The following KCNK13 variants were observed in gnomAD, a reference collection of about 807,000 sequenced individuals.
KCNK13 encodes the protein potassium channel subfamily K member 13.
Under a neutral mutation model 23.4 loss-of-function variants are expected in KCNK13, and 12 were observed. The observed-to-expected ratio is 0.51, with a 90% confidence interval of 0.33 to 0.83. The LOEUF (loss-of-function observed/expected upper bound fraction) is 0.83, where lower values mean the gene tolerates loss of function less well. Among genes scored for constraint, KCNK13 ranks in the 40% least tolerant of loss-of-function variants. The pLI is 0.02. For missense variants in KCNK13, 463 were observed against 556.3 expected (o/e 0.83, Z 1.69); for synonymous variants, 231 against 229.5 (o/e 1.01, Z -0.06).
At chr14:90,103,081 C>T (rs771355934) in intron 1 of KCNK13, among the ~76,000 whole-genome samples, 1 of 152,134 alleles carries the variant, frequency 6.6e-6, no homozygotes, top group Non-Finnish European at 1.5e-5. Context: ...ACTGCCAGCT[C>T]CATCCACATT....
chr14:90,074,143 T>C (rs1889108966), intron 1 of KCNK13, among the ~76,000 whole-genome samples: 1 of 151,674 alleles, frequency 6.6e-6, no homozygotes, highest in Non-Finnish European at 1.5e-5. Context: ...CTAATTTTTG[T>C]ATTTTTGATA....
chr14:90,135,086 G>T (rs1490409810), intron 1 of KCNK13, among the ~76,000 whole-genome samples: 3 of 152,182 alleles, frequency 2.0e-5, no homozygotes, highest in Non-Finnish European at 4.4e-5. Context: ...GCAGAGAACT[G>T]GGCCTAGTGG....
chr14:90,099,000 C>T (rs970222487), intron 1 of KCNK13, among the ~76,000 whole-genome samples: 1 of 152,030 alleles, frequency 6.6e-6, no homozygotes, highest in East Asian at 1.9e-4. Flanking sequence ...TTGCTTGAAC[C>T]CAGGAGGCAG....
intron 1 of KCNK13, among the ~76,000 whole-genome samples, chr14:90,133,173 C>T (rs1566957576): frequency 6.6e-6 from 1 of 152,164 alleles, no homozygotes; most frequent in Non-Finnish European, 1.5e-5. Flanking sequence ...TTAAACTTCA[C>T]CAAACAAATC....
rs566390896 is a variant in KCNK13 at position 90,169,207 on chromosome 14, T to C, written c.335-14904T>C. Among the ~76,000 whole-genome samples, 148 of 152,344 alleles carry C rather than the reference T, an allele frequency of 9.7e-4. 6 individuals carry two copies. The South Asian group carries it at 0.03, about 31-fold the overall frequency. On this transcript the variant is annotated intron_variant, in intron 1 of 1. Transcript: ENST00000282146. Reference sequence around the variant, plus strand: ...AGATGTGATCAGATCTTCCATCCTCTCTGAAGCTTGGCAGAAGTTTTTATG... The same window carrying C: ...AGATGTGATCAGATCTTCCATCCTCCCTGAAGCTTGGCAGAAGTTTTTATG...
chr14:90,149,066 A>G (rs933087362), intron 1 of KCNK13, among the ~76,000 whole-genome samples: 1 of 152,156 alleles, frequency 6.6e-6, no homozygotes, highest in African/African-American at 2.4e-5. Context: ...TATAAAGAAA[A>G]AGACGTTTGC....
At chr14:90,138,936 AC>A (rs1176464950) in intron 1 of KCNK13, among the ~76,000 whole-genome samples, 1 of 152,212 alleles carries the variant, frequency 6.6e-6, no homozygotes, top group Non-Finnish European at 1.5e-5. Context: ...AGAAAAAAAC[AC>A]ATCGAGGCAG....
chr14:90,107,452 T>C (rs1289453811), intron 1 of KCNK13, among the ~76,000 whole-genome samples: 2 of 152,212 alleles, frequency 1.3e-5, no homozygotes, highest in Non-Finnish European at 2.9e-5. Flanking sequence ...CCCTTCGGCC[T>C]GGGCGACAGT....
chr14:90,078,471 G>GGGAA (rs200180179), intron 1 of KCNK13, among the ~76,000 whole-genome samples: 1 of 147,470 alleles, frequency 6.8e-6, no homozygotes, highest in African/African-American at 2.5e-5. Flanking sequence ...GAAGGAGGGA[G>GGGAA]GGAAGGAAGG....
chr14:90,161,080 G>A (rs1890248144), intron 1 of KCNK13, among the ~76,000 whole-genome samples: 1 of 152,098 alleles, frequency 6.6e-6, no homozygotes, highest in African/African-American at 2.4e-5. Context: ...TAAACAAAAT[G>A]TGGTCTATAC....
chr14:90,101,216 A>G (rs1367177129), intron 1 of KCNK13, among the ~76,000 whole-genome samples: 1 of 152,138 alleles, frequency 6.6e-6, no homozygotes, highest in Non-Finnish European at 1.5e-5. Flanking sequence ...AGTGAGCACA[A>G]AATACTCACT....
chr14:90,094,967 A>G (rs1033649310), intron 1 of KCNK13, among the ~76,000 whole-genome samples: 2 of 152,184 alleles, frequency 1.3e-5, no homozygotes, highest in African/African-American at 4.8e-5. Flanking sequence ...TTTTCTAAGA[A>G]TTAAAGTTTT....
intron 1 of KCNK13, among the ~76,000 whole-genome samples, chr14:90,065,263 G>A (rs1888994796): frequency 1.3e-5 from 2 of 152,168 alleles, no homozygotes; most frequent in Admixed American, 1.3e-4. Flanking sequence ...CAAAGACTTT[G>A]AGGTAGCAGA....
At position 90,179,920 on chromosome 14, in the gene KCNK13, C is replaced by A. The variant is rs558299605; in HGVS notation, c.335-4191C>A. Among the ~76,000 whole-genome samples the A allele has an allele frequency of 1.3e-5, 2 of 152,278 alleles. 1 individual carries two copies. Among genetic ancestry groups the A allele is most frequent in the East Asian group, 3.9e-4 (2 of 5,174 alleles). ...GTTTTAGCTTGTGATGCCAGCCAAA[C>A]CCTGCCCCCCCTCTCCGGTTTTGGT... is the stretch of plus-strand genomic sequence containing the variant. On this transcript the variant is annotated intron_variant, in intron 1 of 1. Coordinates refer to ENST00000282146, the MANE Select transcript of KCNK13 (RefSeq NM_022054.4).
intron 1 of KCNK13, among the ~76,000 whole-genome samples, chr14:90,159,390 T>G (rs1285537631): frequency 1.3e-5 from 2 of 152,214 alleles, no homozygotes; most frequent in African/African-American, 4.8e-5. Flanking sequence ...GTCCTCTCTT[T>G]CCAGGAGTCT....
At chr14:90,085,749 A>C (rs888553309) in intron 1 of KCNK13, among the ~76,000 whole-genome samples, 6 of 132,546 alleles carry the variant, frequency 4.5e-5, no homozygotes, top group Non-Finnish European at 6.3e-5. Flanking sequence ...TTATATAATT[A>C]TATATTATAT....
chr14:90,067,816 C>T (rs1889026138), intron 1 of KCNK13, among the ~76,000 whole-genome samples: 1 of 152,140 alleles, frequency 6.6e-6, no homozygotes, highest in African/African-American at 2.4e-5. Flanking sequence ...AGGAGCTTGT[C>T]CCCGTGTTTG....
At chr14:90,099,746 C>A (rs562218758) in intron 1 of KCNK13, among the ~76,000 whole-genome samples, 2 of 152,286 alleles carry the variant, frequency 1.3e-5, no homozygotes, top group East Asian at 1.9e-4. Context: ...AACAGACAGA[C>A]AATAGGTGGG....
intron 1 of KCNK13, among the ~76,000 whole-genome samples, chr14:90,175,384 A>T (rs1480147999): frequency 2.6e-5 from 4 of 152,170 alleles, no homozygotes; most frequent in Non-Finnish European, 4.4e-5. Context: ...CCAATTTGGG[A>T]AGCAGCCAAA....
Sources: allele counts gnomAD v4.1 joint callset (sites outside exome capture counted in the v4.1 genomes callset), GRCh38; gene constraint gnomAD v4.1.1; transcripts MANE v1.5; gene names NCBI Gene and HGNC (gene_info 2026-07-23, HGNC 2026-07-21).